CACNB4: variants seen among roughly 807,000 people sequenced by gnomAD.
CACNB4 encodes the protein voltage-dependent L-type calcium channel subunit beta-4.
A neutral mutation model predicts 71.2 loss-of-function variants in CACNB4; 32 were observed. The ratio of observed to expected loss-of-function variants is 0.45; its 90% CI spans 0.34 to 0.60. The LOEUF (loss-of-function observed/expected upper bound fraction) is 0.60. Among genes scored for constraint, CACNB4 ranks in the 20% least tolerant of loss-of-function variants. The pLI, the probability that CACNB4 is intolerant of heterozygous loss-of-function variation, is 0.01. For synonymous variants in CACNB4, 231 were observed against 236.9 expected (o/e 0.97, Z 0.23); for missense variants, 464 against 647.9 (o/e 0.72, Z 3.08).
At chr2:151,861,250 C>T (rs1026828344) in intron 9 of CACNB4, 47 of 159,238 alleles carry the variant, frequency 3.0e-4, no homozygotes, top group African/African-American at 9.6e-4. Flanking sequence ...TTTAATGATG[C>T]CAGTCAAAGC....
At position 151,837,093 on chromosome 2, in the gene CACNB4, T is replaced by C. The variant is rs1190958478; in HGVS notation, c.*2026A>G. On this transcript the variant is annotated 3_prime_UTR_variant, in exon 14 of 14. Transcript: ENST00000539935. ...TGTGTTCTAACAAAGTATTCAGTAA[T>C]GGCAGGTTATATGTTTATTAAAGTG... The C allele has an allele frequency of 6.6e-6, 1 of 152,042 alleles. No homozygotes were observed. Among genetic ancestry groups the C allele is most frequent in the Non-Finnish European group, 1.5e-5 (1 of 67,888 alleles). 9.4% of individuals were successfully genotyped at this position (152,042 alleles called of 1,614,324 possible). A position where few individuals can be genotyped will look rare whatever the true frequency, so the allele number is the denominator to read the frequency against.
intron 2 of CACNB4, among the ~76,000 whole-genome samples, chr2:152,067,680 C>T (rs1686422006): frequency 6.6e-6 from 1 of 152,094 alleles, no homozygotes; most frequent in East Asian, 1.9e-4. Context: ...GAAAGCAGCC[C>T]CTCTGGATCA....
chr2:151,970,338 T>C (rs1191701102), intron 2 of CACNB4: 1 of 152,200 alleles, frequency 6.6e-6, no homozygotes, highest in African/African-American at 2.4e-5. Flanking sequence ...ATATTAACAA[T>C]GACTATTTCT....
intron 2 of CACNB4, among the ~76,000 whole-genome samples, chr2:151,885,519 A>G (rs997555488): frequency 6.6e-6 from 1 of 152,200 alleles, no homozygotes; most frequent in African/African-American, 2.4e-5. Context: ...TCAACTTTTC[A>G]TCCTCATTTC....
At chr2:151,959,898 C>CCTG (rs911996386) in intron 2 of CACNB4, among the ~76,000 whole-genome samples, 55 of 152,280 alleles carry the variant, frequency 3.6e-4, no homozygotes, top group African/African-American at 1.2e-3. Flanking sequence ...GTTTCACAGA[C>CCTG]ACACATAGTT....
At chr2:152,028,228 G>T (rs750192163) in intron 2 of CACNB4, among the ~76,000 whole-genome samples, 2 of 152,134 alleles carry the variant, frequency 1.3e-5, no homozygotes, top group South Asian at 2.1e-4. Flanking sequence ...TGAACCAAAG[G>T]GTTGTGGATT....
At chr2:152,008,445 C>T (rs142638349) in intron 2 of CACNB4, among the ~76,000 whole-genome samples, 113 of 152,114 alleles carry the variant, frequency 7.4e-4, no homozygotes, top group African/African-American at 2.6e-3. Flanking sequence ...CACCACCACG[C>T]TCAGCTAATT....
chr2:152,066,972 C>T (rs1456234109), intron 2 of CACNB4, among the ~76,000 whole-genome samples: 2 of 134,884 alleles, frequency 1.5e-5, no homozygotes, highest in Non-Finnish European at 3.1e-5. Flanking sequence ...GGAAGGGGAA[C>T]ATCACACTCT....
At chr2:151,925,952 G>A (rs1234138780) in intron 2 of CACNB4, among the ~76,000 whole-genome samples, 1 of 152,124 alleles carries the variant, frequency 6.6e-6, no homozygotes, top group Non-Finnish European at 1.5e-5. Flanking sequence ...AGGAAAAGCA[G>A]GTGAACCCAG....
chr2:151,898,653 T>G (rs2099852652), intron 2 of CACNB4, among the ~76,000 whole-genome samples: 1 of 152,222 alleles, frequency 6.6e-6, no homozygotes, highest in Non-Finnish European at 1.5e-5. Flanking sequence ...TGCTTTTCTA[T>G]GAGATGCATG....
intron 4 of CACNB4, chr2:151,879,882 T>A (rs1441748400): frequency 2.0e-5 from 3 of 152,204 alleles, no homozygotes; most frequent in Non-Finnish European, 4.4e-5. Flanking sequence ...TGAGTGAGTG[T>A]GCATGTCACA....
rs1463616798 is a variant in CACNB4 at position 151,834,211 on chromosome 2, CCTT to C, written c.*4905_*4907del. 6.6e-6 allele frequency: 1 copy of C among 152,032 alleles called. No individual in the cohort carries two copies. The highest frequency in any genetic ancestry group is 2.4e-5 in the African/African-American group (1 of 41,442). The allele number at this position is 152,032 out of a possible 1,614,324, so 9.4% of individuals were successfully genotyped here. A position where few individuals can be genotyped will look rare whatever the true frequency, so the allele number is the denominator to read the frequency against. ...CTGGTTCTTAGTTCCCCTTGTAACT[CCTT>C]ATAATTTTCAAATGAGGAAGTATCA... On this transcript the variant is annotated 3_prime_UTR_variant, in exon 14 of 14. Transcript: ENST00000539935.
At chr2:151,946,420 C>T (rs1353857086) in intron 2 of CACNB4, among the ~76,000 whole-genome samples, 1 of 152,046 alleles carries the variant, frequency 6.6e-6, no homozygotes, top group Non-Finnish European at 1.5e-5. Flanking sequence ...CAGGACAGTC[C>T]CAGGCAAACC....
intron 2 of CACNB4, among the ~76,000 whole-genome samples, chr2:152,008,944 G>C (rs1432764762): frequency 1.3e-5 from 2 of 151,318 alleles, no homozygotes; most frequent in African/African-American, 4.8e-5. Flanking sequence ...ACCTCATCTG[G>C]TAAGTACTCT....
intron 2 of CACNB4, among the ~76,000 whole-genome samples, chr2:151,959,279 G>A (rs190483445): frequency 1.3e-5 from 2 of 152,304 alleles, no homozygotes; most frequent in Admixed American, 1.3e-4. Flanking sequence ...ATGGAGGTGA[G>A]GCTTTGGGTT....
chr2:152,046,395 G>C (rs991207670), intron 2 of CACNB4, among the ~76,000 whole-genome samples: 2 of 152,154 alleles, frequency 1.3e-5, no homozygotes, highest in Non-Finnish European at 2.9e-5. Flanking sequence ...TTGGCCTAGA[G>C]CAATTTTACA....
At chr2:151,881,460 C>T (rs1040217737) in intron 3 of CACNB4, among the ~76,000 whole-genome samples, 10 of 152,202 alleles carry the variant, frequency 6.6e-5, no homozygotes, top group Non-Finnish European at 4.4e-5. Context: ...CTTCACAGAT[C>T]ACCTTCTCTC....
intron 2 of CACNB4, among the ~76,000 whole-genome samples, chr2:151,944,374 G>A (rs1484911224): frequency 6.6e-6 from 1 of 152,042 alleles, no homozygotes; most frequent in Non-Finnish European, 1.5e-5. Context: ...TTACAGTGCT[G>A]AGCTCCTATG....
chr2:152,090,952 G>A (rs781585587), intron 2 of CACNB4, among the ~76,000 whole-genome samples: 2 of 151,774 alleles, frequency 1.3e-5, no homozygotes, highest in East Asian at 3.9e-4. Context: ...GCTGACGCAG[G>A]AGAATTGCTT....
Sources: gnomAD v4.1 joint callset for allele counts (sites outside exome capture counted in the v4.1 genomes callset) on GRCh38, gnomAD v4.1.1 for gene constraint, MANE v1.5 for transcripts, NCBI Gene and HGNC (gene_info 2026-07-23, HGNC 2026-07-21) for gene names.